CALD1: variants seen among roughly 807,000 people sequenced by gnomAD.
CALD1 encodes caldesmon 1, also known as caldesmon.
CALD1 carries 33 observed loss-of-function variants against 99.9 expected under a neutral mutation model. That is an observed-to-expected ratio of 0.33 (90% CI 0.25 to 0.44). The LOEUF is 0.44. CALD1 is among the 20% of genes least tolerant of loss of function. The probability of loss-of-function intolerance (pLI) is 1.00; values close to 1 mark genes in which losing one functional copy is unlikely to be tolerated. For synonymous variants in CALD1, 310 were observed against 325.0 expected (o/e 0.95, Z 0.50); for missense variants, 861 against 962.1 (o/e 0.89, Z 1.39).
chr7:134,716,820 T>C, the CALD1 span, among the ~76,000 whole-genome samples: 4 of 152,230 alleles, frequency 2.6e-5, no homozygotes, highest in African/African-American at 9.6e-5. Flanking sequence ...ATGGATTATG[T>C]GAATAGTGAG....
At chr7:134,906,980 C>T (rs1803434479) in intron 3 of CALD1, among the ~76,000 whole-genome samples, 1 of 152,182 alleles carries the variant, frequency 6.6e-6, no homozygotes, top group African/African-American at 2.4e-5. Context: ...TACAAGTTAC[C>T]TAACGCCTCT....
In CALD1 at chr7:134,959,415, T is replaced by C. The variant is rs142665431; in HGVS notation, c.2062-559T>C. On this transcript the variant is annotated intron_variant, in intron 11 of 14. Coordinates refer to ENST00000361675, the MANE Select transcript of CALD1 (RefSeq NM_033138.4). ...GGCCAAGTGTGGTGACTCATGCCTGTCGTCACAGCACTTCAGGAGGCCGAG... is the reference window on the plus strand; with the variant it reads ...GGCCAAGTGTGGTGACTCATGCCTGCCGTCACAGCACTTCAGGAGGCCGAG... Among the ~76,000 whole-genome samples the C allele has an allele frequency of 3.9e-3, 598 of 152,260 alleles. 3 individuals carry two copies. The highest frequency in any genetic ancestry group is 0.014 in the African/African-American group (566 of 41,544).
rs769866871 is a variant in CALD1, at chr7:134,941,100, T to C, written c.1395T>C (p.Asp465=). 6.2e-6 allele frequency: 10 copies of C among 1,606,826 alleles called. No individual in the cohort carries two copies. Among genetic ancestry groups the C allele is most frequent in the Non-Finnish European group, 7.6e-6 (9 of 1,177,726 alleles). The part of the protein sequence containing the change: ...KPTFKKEEIK[D]EKIKKDKEPK... ...TATGTACTGTTGGTTAGATCAAAGA[T>C]GAAAAGATTAAAAAGGACAAAGAAC... Residue 465 remains aspartate, a synonymous_variant, in exon 7 of 15, where the codon GAT becomes GAC. Transcript: ENST00000361675.
chr7:134,842,591 T>C (rs548099836), intron 1 of CALD1, among the ~76,000 whole-genome samples: 1 of 152,362 alleles, frequency 6.6e-6, no homozygotes, highest in African/African-American at 2.4e-5. Context: ...CAATTATTTA[T>C]TTTTGTAAAG....
At chr7:134,749,608 A>G (rs1227906440) in intron 1 of CALD1, among the ~76,000 whole-genome samples, 3 of 152,182 alleles carry the variant, frequency 2.0e-5, no homozygotes, top group Non-Finnish European at 2.9e-5. Context: ...AGCGAAAAAA[A>G]GCAAGGCCAG....
At chr7:134,741,781 T>C, upstream of CALD1, among the ~76,000 whole-genome samples, 1 of 152,172 alleles carries the variant, frequency 6.6e-6, no homozygotes, top group East Asian at 1.9e-4. Flanking sequence ...ATCCTCCAAA[T>C]TGCCTTGTGA....
At chr7:134,950,692 A>T (rs766843922) in intron 9 of CALD1, among the ~76,000 whole-genome samples, 178 bp downstream of exon 9, 5 of 152,198 alleles carry the variant, frequency 3.3e-5, no homozygotes, top group Non-Finnish European at 7.4e-5. Flanking sequence ...ACGGTGGCTC[A>T]TGCCTGTAAT....
chr7:134,814,385 A>C (rs2131953328), intron 1 of CALD1, among the ~76,000 whole-genome samples: 1 of 152,246 alleles, frequency 6.6e-6, no homozygotes, highest in South Asian at 2.1e-4. Context: ...TGGCTGTGGG[A>C]GTAGGGGTTC....
At chr7:134,873,195 CAAACA>C (rs955880318) in intron 3 of CALD1, among the ~76,000 whole-genome samples, 4 of 133,518 alleles carry the variant, frequency 3.0e-5, no homozygotes, top group Non-Finnish European at 6.4e-5. Context: ...AACAAACAAA[CAAACA>C]AAACAAAAAA....
intron 7 of CALD1, among the ~76,000 whole-genome samples, chr7:134,945,662 A>G (rs534283651): frequency 8.5e-5 from 13 of 152,336 alleles, no homozygotes; most frequent in African/African-American, 3.1e-4. Context: ...TAGAGAGCAT[A>G]AAGAATGACA....
chr7:134,892,644 G>A (rs930637547), intron 3 of CALD1, among the ~76,000 whole-genome samples: 3 of 152,190 alleles, frequency 2.0e-5, no homozygotes, highest in Non-Finnish European at 2.9e-5. Context: ...GCTAGTTTCC[G>A]TAAGTGTGGT....
chr7:134,721,466 GGTTTCTACTATAGTAGAACA>G, the CALD1 span, among the ~76,000 whole-genome samples: 2 of 151,946 alleles, frequency 1.3e-5, no homozygotes, highest in Non-Finnish European at 2.9e-5. Flanking sequence ...AGAATTCCTG[GGTTTCTACTATAGTAGAACA>G]GTTTCTACTG....
intron 1 of CALD1, among the ~76,000 whole-genome samples, chr7:134,806,094 T>C (rs1287586145): frequency 6.6e-6 from 1 of 152,150 alleles, no homozygotes; most frequent in East Asian, 1.9e-4. Flanking sequence ...TTCCTCTGAG[T>C]TGTAAGCAAA....
chr7:134,771,663 A>G (rs1231562910), intron 1 of CALD1, among the ~76,000 whole-genome samples: 3 of 151,776 alleles, frequency 2.0e-5, no homozygotes, highest in Non-Finnish European at 4.4e-5. Flanking sequence ...ATGACCTTCC[A>G]TCTTAGAACA....
chr7:134,815,491 T>C (rs944698446), intron 1 of CALD1, among the ~76,000 whole-genome samples: 4 of 152,138 alleles, frequency 2.6e-5, no homozygotes, highest in African/African-American at 9.7e-5. Context: ...ATGTCACTCT[T>C]GCTTTGTGAA....
At position 134,933,276 on chromosome 7, in the gene CALD1, C is replaced by G. The variant is rs1214567300; in HGVS notation, c.507C>G (p.Thr169=). ...AGATAGAGGAAACAGAAACAGTCACCAAGTCCTACCAGAAGAATGATTGGA... is the reference window on the plus strand; with the variant it reads ...AGATAGAGGAAACAGAAACAGTCACGAAGTCCTACCAGAAGAATGATTGGA... ...RYEIEETETV[T]KSYQKNDWRD... The change falls in exon 5 of 15, where the codon ACC becomes ACG. Residue 169 remains threonine (T), a synonymous_variant. Transcript: ENST00000361675. 6.2e-7 allele frequency: 1 copy of G among 1,600,008 alleles called. No homozygotes were observed. Among genetic ancestry groups the G allele is most frequent in the Admixed American group, 1.7e-5 (1 of 58,272 alleles).
At chr7:134,880,004 T>G (rs1485073182) in intron 3 of CALD1, among the ~76,000 whole-genome samples, 1 of 152,170 alleles carries the variant, frequency 6.6e-6, no homozygotes, top group Non-Finnish European at 1.5e-5. Flanking sequence ...CCCACATTGT[T>G]TAGAATAGGA....
intron 8 of CALD1, chr7:134,948,219 A>T (rs1276991842): frequency 1.3e-5 from 2 of 156,080 alleles, no homozygotes; most frequent in African/African-American, 2.4e-5. Flanking sequence ...AGATTTTTTT[A>T]AATCTTTTTT....
At chr7:134,772,271 T>C (rs1289853036) in intron 1 of CALD1, among the ~76,000 whole-genome samples, 1 of 151,990 alleles carries the variant, frequency 6.6e-6, no homozygotes, top group Non-Finnish European at 1.5e-5. Flanking sequence ...TTTTTTAGAC[T>C]TTTTGTAGAG....
Sources: gnomAD v4.1 joint callset for allele counts (sites outside exome capture counted in the v4.1 genomes callset) on GRCh38, gnomAD v4.1.1 for gene constraint, MANE v1.5 for transcripts, NCBI Gene and HGNC (gene_info 2026-07-23, HGNC 2026-07-21) for gene names.